Variants in CACNA1S observed in about 807,000 individuals in gnomAD.
The protein encoded by CACNA1S is voltage-dependent L-type calcium channel subunit alpha-1S.
CACNA1S carries 126 observed loss-of-function variants against 207.4 expected under a neutral mutation model. The observed-to-expected ratio is 0.61, with a 90% CI of 0.53 to 0.70. The LOEUF is 0.70. Ranked by LOEUF, CACNA1S falls within the 30% of genes least tolerant of loss-of-function variation. The pLI is 0.00. For synonymous variants in CACNA1S, 960 were observed against 932.7 expected (o/e 1.03, Z -0.53); for missense variants, 2,349 against 2,422.8 (o/e 0.97, Z 0.64).
rs1660773738 is a variant in CACNA1S, at chr1:201,054,664, A to C, written c.3610-103T>G. Reference sequence around the variant, plus strand: ...CGTGTCAGAAAGGACAGACACACAGAAGAGTTAAAGAGAAAAAGAGGCAGG... The same window carrying C: ...CGTGTCAGAAAGGACAGACACACAGCAGAGTTAAAGAGAAAAAGAGGCAGG... On this transcript the variant is annotated intron_variant, in intron 28 of 43. Transcript: ENST00000362061. The C allele has an allele frequency of 3.9e-6, 3 of 772,504 alleles. No homozygotes were observed. In the East Asian group the frequency reaches 1.5e-4, roughly 37 times the overall value. The allele number at this position is 772,504 out of a possible 1,614,324, so 47.9% of individuals were successfully genotyped here.
rs527584433 is a variant in CACNA1S at position 201,054,632 on chromosome 1, G to A, written c.3610-71C>T. Reference sequence around the variant, plus strand: ...GAGGAGGGACATGTGGGAGGGAGGTGAAGAGACGTGTCAGAAAGGACAGAC... The same window carrying A: ...GAGGAGGGACATGTGGGAGGGAGGTAAAGAGACGTGTCAGAAAGGACAGAC... On this transcript the variant is annotated intron_variant, in intron 28 of 43. Transcript: ENST00000362061. 376 of 1,240,762 alleles carry A rather than the reference G, an allele frequency of 3.0e-4. 2 individuals are homozygous for A. The highest frequency in any genetic ancestry group is 3.9e-4 in the Non-Finnish European group (342 of 876,228). The allele number at this position is 1,240,762 out of a possible 1,614,324, so 76.9% of individuals were successfully genotyped here. A position where few individuals can be genotyped will look rare whatever the true frequency, so the allele number is the denominator to read the frequency against.
intron 2 of CACNA1S, among the ~76,000 whole-genome samples, chr1:201,102,796 AG>A (rs1362375089): frequency 6.6e-6 from 1 of 152,176 alleles, no homozygotes; most frequent in Admixed American, 6.5e-5. Context: ...TGCCAGGCAG[AG>A]GGGAGAGAAA....
chr1:201,110,736 G>C lies in CACNA1S; in HGVS notation c.153-467C>G, dbSNP rs112761200. ...AGAACTCACTGAGTAGGACTGGGAA[G>C]GAGAGATGGAGAGATGAATGCTGAA... On this transcript the variant is annotated intron_variant, in intron 1 of 43. Coordinates refer to ENST00000362061, the MANE Select transcript of CACNA1S (RefSeq NM_000069.3). Among the ~76,000 whole-genome samples the C allele has an allele frequency of 3.6e-3, 548 of 152,332 alleles. 2 individuals carry two copies. Among genetic ancestry groups the C allele is most frequent in the African/African-American group, 0.013 (527 of 41,568 alleles).
rs766840697 is a variant in CACNA1S, at chr1:201,110,164, C to T, written c.258G>A (p.Leu86=). ...EDDNNSLNLG[L]EKLEYFFLIV... ...AGGGAGATGGAAGGGCCAATCTTAC[C>T]AGGCCGAGGTTCAGAGAGTTGTTGT... Residue 86 remains leucine (L), a splice_region_variant and synonymous_variant, in exon 2 of 44, where the codon CTG becomes CTA. Transcript: ENST00000362061. 6.2e-7 allele frequency: 1 copy of T among 1,613,932 alleles called. No homozygotes were observed. Among genetic ancestry groups the T allele is most frequent in the Admixed American group, 1.7e-5 (1 of 60,024 alleles).
intron 10 of CACNA1S, among the ~76,000 whole-genome samples, chr1:201,081,997 C>CT (rs1370277930): frequency 6.8e-6 from 1 of 147,934 alleles, no homozygotes; most frequent in Non-Finnish European, 1.5e-5. Context: ...AACCAAACCT[C>CT]TTTTCTTTAT....
At chr1:201,109,726 C>G (rs901971770) in intron 2 of CACNA1S, among the ~76,000 whole-genome samples, 1 of 152,176 alleles carries the variant, frequency 6.6e-6, no homozygotes, top group Non-Finnish European at 1.5e-5. Flanking sequence ...CTGGATAAAA[C>G]TCTCCCATGA....
At chr1:201,067,956 G>T (rs117339431) in intron 19 of CACNA1S, among the ~76,000 whole-genome samples, 1 of 152,140 alleles carries the variant, frequency 6.6e-6, no homozygotes, top group African/African-American at 2.4e-5. Flanking sequence ...ATGTGCACGC[G>T]GGGGCTACTG....
At position 201,067,005 on chromosome 1, in the gene CACNA1S, G is replaced by A. The variant is rs1038393089; in HGVS notation, c.2551-12C>T. 6.3e-7 allele frequency: 1 copy of A among 1,588,272 alleles called. No individual in the cohort carries two copies. Among genetic ancestry groups the A allele is most frequent in the Non-Finnish European group, 8.6e-7 (1 of 1,156,956 alleles). On this transcript the variant is annotated splice_polypyrimidine_tract_variant and intron_variant, in intron 19 of 43. Coordinates refer to ENST00000362061, the MANE Select transcript of CACNA1S (RefSeq NM_000069.3). ...CCGTAGGTCGTCATCTGGGGAGAAA[G>A]AGGCAGCAGCCTGGATGGAGGAGCT...
In CACNA1S at chr1:201,043,309, T is replaced by G. The variant is rs886045794; in HGVS notation, c.5020A>C (p.Asn1674His). The G allele has an allele frequency of 6.2e-7, 1 of 1,614,240 alleles. No individual in the cohort carries two copies. Among genetic ancestry groups the G allele is most frequent in the Non-Finnish European group, 8.5e-7 (1 of 1,180,044 alleles). Residue 1674 changes from asparagine to histidine, a missense_variant, in exon 40 of 44, where the codon AAC becomes CAC. Transcript: ENST00000362061. Reference protein sequence around the residue: ...ANANVAYGNSNHSNSHVFSSV... With the variant: ...ANANVAYGNSHHSNSHVFSSV... ...GAAAACACATGGCTGTTGCTATGGT[T>G]GCTGTTGCCATAGGCGACATTGGCG...
Position 201,050,411 on chromosome 1 carries a change from C to A in CACNA1S, c.4219G>T (p.Ala1407Ser). 8 of 1,614,110 alleles carry A rather than the reference C, an allele frequency of 5.0e-6. No individual in the cohort carries two copies. Among genetic ancestry groups the A allele is most frequent in the Non-Finnish European group, 5.9e-6 (7 of 1,180,006 alleles). Residue 1407 changes from alanine to serine, a missense_variant, in exon 34 of 44, where the codon GCA becomes TCA. Physicochemically the swap from Ala to Ser is moderately conservative, Grantham distance 99. Coordinates refer to ENST00000362061, the MANE Select transcript of CACNA1S (RefSeq NM_000069.3). Reference protein sequence around the residue: ...HHLDEFKAIWAEYDPEAKGRI... With the variant: ...HHLDEFKAIWSEYDPEAKGRI... ...CACTTAGCCTCTGGGTCATACTCTGCCCAGATGGCCTTGAACTCATCCAGG... is the reference window on the plus strand; with the variant it reads ...CACTTAGCCTCTGGGTCATACTCTGACCAGATGGCCTTGAACTCATCCAGG...
chr1:201,062,835 A>G (rs1661111615), intron 22 of CACNA1S, among the ~76,000 whole-genome samples: 1 of 152,186 alleles, frequency 6.6e-6, no homozygotes, highest in African/African-American at 2.4e-5. Context: ...GGGGATGGAC[A>G]TGAGTGCAGC....
chr1:201,112,368 G>A lies in CACNA1S; in HGVS notation c.-29C>T, dbSNP rs1051288450. Reference sequence around the variant, plus strand: ...TTCCCTGGGAATCTGGCTTTCTCCTGCTCCCCCACCCCAGTGCTTTCCCTT... The same window carrying A: ...TTCCCTGGGAATCTGGCTTTCTCCTACTCCCCCACCCCAGTGCTTTCCCTT... On this transcript the variant is annotated 5_prime_UTR_variant, in exon 1 of 44. Transcript: ENST00000362061. The A allele has an allele frequency of 1.2e-6, 2 of 1,607,832 alleles. No individual in the cohort carries two copies. The highest frequency in any genetic ancestry group is 2.2e-5 in the East Asian group (1 of 44,500).
rs112943716 is a variant in CACNA1S at position 201,046,543 on chromosome 1, CTT to C, written c.4668+570_4668+571del. 8.1e-3 allele frequency among the ~76,000 whole-genome samples: 1,175 copies of C among 145,322 alleles called. 21 individuals are homozygous for C. The highest frequency in any genetic ancestry group is 0.028 in the African/African-American group (1,130 of 39,844). On this transcript the variant is annotated intron_variant, in intron 38 of 43. Coordinates refer to ENST00000362061, the MANE Select transcript of CACNA1S (RefSeq NM_000069.3). Reference sequence around the variant, plus strand: ...TCACCTTTCTTTAGAGAGAACTGTTCTTTTTTTTTTTTCTTTTGAGACACAGT... The same window carrying C: ...TCACCTTTCTTTAGAGAGAACTGTTCTTTTTTTTTTCTTTTGAGACACAGT...
intron 22 of CACNA1S, among the ~76,000 whole-genome samples, chr1:201,064,348 C>T (rs1013321573): frequency 7.2e-5 from 11 of 152,218 alleles, no homozygotes; most frequent in Non-Finnish European, 8.8e-5. Flanking sequence ...ACAATAAACA[C>T]TCCCATCCCT....
At chr1:201,092,177 TGAGGCCCTG>T in intron 3 of CACNA1S, 63 bp from the exon 4 acceptor site, 1 of 1,594,336 alleles carries the variant, frequency 6.3e-7, no homozygotes, top group Non-Finnish European at 8.6e-7. Context: ...CCCAGTGGTC[TGAGGCCCTG>T]TGTCCTGTCC....
intron 7 of CACNA1S, 46 bp from the exon 8 acceptor site, chr1:201,085,627 G>C (rs766528823): frequency 2.5e-6 from 4 of 1,608,928 alleles, no homozygotes; most frequent in Admixed American, 1.7e-5. Flanking sequence ...AGAGGGAACA[G>C]TGTCAAGGAA....
intron 37 of CACNA1S, 32 bp downstream of exon 37, chr1:201,047,493 T>C: frequency 6.4e-7 from 1 of 1,564,624 alleles, no homozygotes; most frequent in South Asian, 1.1e-5. Flanking sequence ...CTTGGCTGCT[T>C]CTGGACTCTG....
chr1:201,102,767 T>C (rs116497568), intron 2 of CACNA1S, among the ~76,000 whole-genome samples: 2,271 of 152,280 alleles, frequency 0.015, 60 homozygotes, highest in African/African-American at 0.052. Flanking sequence ...GATTCCAGAC[T>C]CCATGGTCTC....
intron 27 of CACNA1S, among the ~76,000 whole-genome samples, chr1:201,058,786 C>T (rs550908918): frequency 2.6e-4 from 39 of 152,306 alleles, no homozygotes; most frequent in African/African-American, 8.4e-4. Flanking sequence ...AGATCTCTTT[C>T]ATCCCCTGAA....
Sources: allele counts gnomAD v4.1 joint callset (sites outside exome capture counted in the v4.1 genomes callset), GRCh38; gene constraint gnomAD v4.1.1; transcripts MANE v1.5; gene names NCBI Gene and HGNC (gene_info 2026-07-23, HGNC 2026-07-21).